RNF6: variants seen among roughly 807,000 people sequenced by gnomAD.
RNF6 encodes the protein ring finger protein 6, also known as E3 ubiquitin-protein ligase RNF6.
RNF6 carries 21 observed loss-of-function variants against 50.1 expected under a neutral mutation model. The observed-to-expected ratio is 0.42, with a 90% CI of 0.30 to 0.60. RNF6 has a LOEUF of 0.60. Ranked by LOEUF, RNF6 falls within the 20% of genes least tolerant of loss-of-function variation. The pLI is 0.20. For missense variants in RNF6, 698 were observed against 838.2 expected, an observed-to-expected ratio of 0.83 and a Z score of 2.07; for synonymous variants, 255 against 291.8, an observed-to-expected ratio of 0.87 and a Z score of 1.29.
intron 5 of RNF6, among the ~76,000 whole-genome samples, chr13:26,173,656 T>A (rs1179810801): frequency 6.6e-6 from 1 of 152,006 alleles, no homozygotes; most frequent in African/African-American, 2.4e-5. Flanking sequence ...TAAAAGTGAT[T>A]TTTGCTTTGC....
At chr13:26,172,189 C>A (rs1872724255) in intron 5 of RNF6, among the ~76,000 whole-genome samples, 1 of 152,052 alleles carries the variant, frequency 6.6e-6, no homozygotes, top group Admixed American at 6.6e-5. Context: ...ACATACGCAG[C>A]CTGGTAAGTG....
chr13:26,186,183 T>C (rs773093755), intron 5 of RNF6, among the ~76,000 whole-genome samples: 1 of 152,160 alleles, frequency 6.6e-6, no homozygotes, highest in Non-Finnish European at 1.5e-5. Flanking sequence ...GTCAGAGTCA[T>C]GATACACACA....
chr13:26,135,258 C>T (rs555710023), intron 5 of RNF6, among the ~76,000 whole-genome samples: 19 of 152,286 alleles, frequency 1.2e-4, no homozygotes, highest in African/African-American at 3.8e-4. Context: ...CATCAGAGAA[C>T]TAATAGCTTC....
intron 5 of RNF6, among the ~76,000 whole-genome samples, chr13:26,184,310 C>T (rs921168589): frequency 2.6e-5 from 4 of 152,130 alleles, no homozygotes; most frequent in Non-Finnish European, 4.4e-5. Context: ...GGATTACGGG[C>T]GTGAGCCACC....
intron 5 of RNF6, among the ~76,000 whole-genome samples, chr13:26,152,044 C>G (rs1871635797): frequency 6.6e-6 from 1 of 152,190 alleles, no homozygotes. Flanking sequence ...ACACACCAAC[C>G]TCTTTTATAA....
intron 5 of RNF6, chr13:26,144,964 C>T (rs9553752): frequency 0.68 from 103,177 of 152,068 alleles, 35,644 homozygotes; most frequent in East Asian, 0.83. Context: ...TCAACACCAT[C>T]GATCAGTGTG....
At chr13:26,174,609 A>G (rs761466481) in intron 5 of RNF6, among the ~76,000 whole-genome samples, 6 of 152,122 alleles carry the variant, frequency 3.9e-5, no homozygotes, top group African/African-American at 1.4e-4. Context: ...ACTCAAAAAA[A>G]AGAAAACAAA....
intron 5 of RNF6, among the ~76,000 whole-genome samples, chr13:26,145,407 G>T (rs1871171210): frequency 6.8e-6 from 1 of 147,990 alleles, no homozygotes; most frequent in South Asian, 2.2e-4. Context: ...GCAATTCCCA[G>T]TGTTGGAGGA....
chr13:26,139,599 C>A (rs115728167), intron 5 of RNF6, among the ~76,000 whole-genome samples: 1 of 152,108 alleles, frequency 6.6e-6, no homozygotes, highest in South Asian at 2.1e-4. Context: ...TTTAACACTT[C>A]GGTTGGAATT....
Position 26,165,557 on chromosome 13 carries a change from C to G in RNF6, n.769-33106G>C, listed in dbSNP as rs569361421. Among the ~76,000 whole-genome samples the G allele has an allele frequency of 2.0e-5, 3 of 152,332 alleles. No individual in the cohort carries two copies. The East Asian group carries it at 5.8e-4, about 29-fold the overall frequency. On this transcript the variant is annotated intron_variant and non_coding_transcript_variant, in intron 5 of 5. Coordinates refer to the RNF6 transcript ENST00000468480. ...ACTCAATGCCAACCCATGAAAGCAG[C>G]TAGGAGGGAGGCTGTACCCTGCAAA...
chr13:26,167,425 C>T (rs576371984), intron 5 of RNF6, among the ~76,000 whole-genome samples: 2 of 152,234 alleles, frequency 1.3e-5, no homozygotes, highest in East Asian at 1.9e-4. Context: ...AGAGGGCATA[C>T]ATGTGGCTAA....
chr13:26,142,000 A>C (rs1308183951), intron 5 of RNF6, among the ~76,000 whole-genome samples: 2 of 152,180 alleles, frequency 1.3e-5, no homozygotes, highest in Admixed American at 6.5e-5. Flanking sequence ...CAATATCCAG[A>C]ATCTATAAGG....
At chr13:26,149,136 G>A (rs569750522) in intron 5 of RNF6, 1 of 152,096 alleles carries the variant, frequency 6.6e-6, no homozygotes, top group African/African-American at 2.4e-5. Context: ...GCCCACTCAA[G>A]TTGACATGCA....
Position 26,167,720 on chromosome 13 carries a change from A to G in RNF6, n.769-35269T>C, listed in dbSNP as rs1872517770. ...ACTGGATATACCCAAAGGAATATAAATTGTTCTACCATAAAGACACATGCA... is the reference window on the plus strand; with the variant it reads ...ACTGGATATACCCAAAGGAATATAAGTTGTTCTACCATAAAGACACATGCA... On this transcript the variant is annotated intron_variant and non_coding_transcript_variant, in intron 5 of 5. Coordinates refer to the RNF6 transcript ENST00000468480. Among the ~76,000 whole-genome samples, 4 of 152,342 alleles carry G rather than the reference A, an allele frequency of 2.6e-5. No individual in the cohort carries two copies. In the South Asian group the frequency reaches 8.3e-4, roughly 32 times the overall value.
rs904502073 is a variant in RNF6 at position 26,169,148 on chromosome 13, A to G, written n.769-36697T>C. On this transcript the variant is annotated intron_variant and non_coding_transcript_variant, in intron 5 of 5. Transcript: ENST00000468480. ...CCCTCAGGGATCTGTCACCCTGGCC[A>G]GGTGATGGGGGCTGGTTGCATAGAA... Among the ~76,000 whole-genome samples the G allele has an allele frequency of 3.3e-5, 5 of 152,288 alleles. No individual in the cohort carries two copies. In the South Asian group the frequency reaches 1.0e-3, roughly 32 times the overall value.
intron 5 of RNF6, among the ~76,000 whole-genome samples, chr13:26,145,791 GT>G (rs1285908241): frequency 6.6e-6 from 1 of 152,196 alleles, no homozygotes; most frequent in Admixed American, 6.5e-5. Flanking sequence ...ATTGCTTTTG[GT>G]TTACTATTTT....
chr13:26,156,397 C>T (rs771959021), intron 5 of RNF6, among the ~76,000 whole-genome samples: 16 of 152,110 alleles, frequency 1.1e-4, no homozygotes, highest in Admixed American at 4.6e-4. Context: ...CAGAAGGAAA[C>T]GACAGACACA....
chr13:26,214,841 A>G lies in RNF6; in HGVS notation c.1041T>C (p.Thr347=). The change falls in exon 5 of 5, where the codon ACT becomes ACC. Residue 347 remains threonine, a synonymous_variant. Coordinates refer to ENST00000381588, the MANE Select transcript of RNF6 (RefSeq NM_005977.4). The part of the protein sequence containing the change: ...TRRSVRRRGR[T]RVFLEQDRER... The stretch of plus-strand genomic sequence containing the variant: ...CTCTATCTTGCTCTAAAAAGACTCG[A>G]GTTCTACCTCTCCTCCTAACAGATC... 1 of 1,614,210 alleles carries G rather than the reference A, an allele frequency of 6.2e-7. No individual in the cohort carries two copies. Among genetic ancestry groups the G allele is most frequent in the East Asian group, 2.2e-5 (1 of 44,884 alleles).
chr13:26,206,410 G>A (rs1345058932), intron 5 of RNF6, among the ~76,000 whole-genome samples: 1 of 152,190 alleles, frequency 6.6e-6, no homozygotes, highest in Non-Finnish European at 1.5e-5. Flanking sequence ...AGAAAGGCAG[G>A]CTTCACAGAG....
Sources: allele counts gnomAD v4.1 joint callset (sites outside exome capture counted in the v4.1 genomes callset), GRCh38; gene constraint gnomAD v4.1.1; transcripts MANE v1.5; gene names NCBI Gene and HGNC (gene_info 2026-07-23, HGNC 2026-07-21).